Variants in PRKN observed in about 807,000 individuals in gnomAD.
PRKN encodes the protein parkin RBR E3 ubiquitin protein ligase.
In PRKN, 56 loss-of-function variants were observed where a neutral mutation model predicts 59.5. The observed-to-expected ratio is 0.94, with a 90% CI of 0.76 to 1.18. PRKN has a LOEUF of 1.18. Among genes scored for constraint, PRKN ranks in the 50% most tolerant of loss-of-function variants. The pLI is 0.00. For synonymous variants in PRKN, 250 were observed against 222.1 expected (o/e 1.13, Z -1.12); for missense variants, 657 against 596.4 (o/e 1.10, Z -1.06).
rs71692740 is a variant in PRKN at position 162,359,059 on chromosome 6, C to CAAAA, written c.171+84247_171+84250dup. Among the ~76,000 whole-genome samples the CAAAA allele has an allele frequency of 3.3e-4, 31 of 92,584 alleles. No individual in the cohort carries two copies. In the East Asian group the frequency reaches 4.7e-3, roughly 14 times the overall value. 60.7% of individuals were successfully genotyped at this position (92,584 alleles called of 152,430 possible). On this transcript the variant is annotated intron_variant, in intron 2 of 11. Transcript: ENST00000366898. ...TGGGTGACACAGTGACACACTGTGGCAAAAAAAAAAAAAAAAAAAAATATA... is the reference window on the plus strand; with the variant it reads ...TGGGTGACACAGTGACACACTGTGGCAAAAAAAAAAAAAAAAAAAAAAAAATATA...
At chr6:161,718,658 G>T (rs554976678) in intron 7 of PRKN, among the ~76,000 whole-genome samples, 39 of 152,142 alleles carry the variant, frequency 2.6e-4, no homozygotes, top group Middle Eastern at 3.4e-3. Flanking sequence ...GCAGGCACCT[G>T]CCAGTAAGGC....
intron 6 of PRKN, among the ~76,000 whole-genome samples, chr6:161,811,407 G>A (rs1791552794): frequency 6.6e-6 from 1 of 152,152 alleles, no homozygotes; most frequent in Admixed American, 6.5e-5. Context: ...CTGGCATCAG[G>A]ATGGATAAAT....
At chr6:161,826,490 CA>C (rs1387947985) in intron 6 of PRKN, among the ~76,000 whole-genome samples, 1 of 152,100 alleles carries the variant, frequency 6.6e-6, no homozygotes, top group Non-Finnish European at 1.5e-5. Context: ...CATTAATGTA[CA>C]AATGCAAAAG....
chr6:162,656,563 C>T (rs1778647766), intron 1 of PRKN, among the ~76,000 whole-genome samples: 1 of 152,212 alleles, frequency 6.6e-6, no homozygotes, highest in Admixed American at 6.5e-5. Flanking sequence ...TTGAATCTAT[C>T]CCATTAGCAC....
At chr6:162,658,827 GTAC>G (rs2128227873) in intron 1 of PRKN, among the ~76,000 whole-genome samples, 1 of 152,068 alleles carries the variant, frequency 6.6e-6, no homozygotes, top group East Asian at 1.9e-4. Context: ...TGAATTGCAA[GTAC>G]AACTCAAGAC....
intron 5 of PRKN, among the ~76,000 whole-genome samples, chr6:162,048,024 T>C (rs902373504): frequency 6.6e-6 from 1 of 152,162 alleles, no homozygotes; most frequent in African/African-American, 2.4e-5. Flanking sequence ...CTAATTTCAT[T>C]TGAAATAAAT....
intron 7 of PRKN, among the ~76,000 whole-genome samples, chr6:161,692,201 T>G (rs1298438281): frequency 2.6e-5 from 4 of 152,168 alleles, no homozygotes; most frequent in Admixed American, 2.6e-4. Context: ...AGCGCTACTT[T>G]AAGATGGAAA....
intron 4 of PRKN, among the ~76,000 whole-genome samples, chr6:162,065,141 C>T (rs376965336): frequency 2.0e-5 from 3 of 152,086 alleles, no homozygotes; most frequent in African/African-American, 7.2e-5. Context: ...AAGGATAGGC[C>T]GTGTGCAGGC....
intron 4 of PRKN, among the ~76,000 whole-genome samples, chr6:162,110,827 C>A (rs560082209): frequency 2.0e-5 from 3 of 152,294 alleles, no homozygotes; most frequent in Admixed American, 6.5e-5. Flanking sequence ...ATGTAAAGTA[C>A]ACACCCTCTA....
chr6:162,570,870 T>C (rs1269436028), intron 1 of PRKN, among the ~76,000 whole-genome samples: 1 of 152,174 alleles, frequency 6.6e-6, no homozygotes, highest in Non-Finnish European at 1.5e-5. Context: ...TACTATTTGA[T>C]AGCATAACAG....
chr6:162,115,890 C>A (rs2128303986), intron 4 of PRKN, among the ~76,000 whole-genome samples: 1 of 152,220 alleles, frequency 6.6e-6, no homozygotes, highest in African/African-American at 2.4e-5. Context: ...CTGAGTTATC[C>A]ATTTATTTTA....
rs1787671402 is a variant in PRKN at position 161,413,223 on chromosome 6, C to T, written c.1084-26346G>A. ...ATTTATTTGTGGAAACCCACTGTCT[C>T]CCGGACACTGGCCTCCAGGGCACGG... On this transcript the variant is annotated intron_variant, in intron 9 of 11. Transcript: ENST00000366898. This position sits in a 1 kb window ranked among gnomAD's most constrained non-coding sequence, Gnocchi z 4.4. 6.6e-6 allele frequency among the ~76,000 whole-genome samples: 1 copy of T among 152,184 alleles called. No individual in the cohort carries two copies. The highest frequency in any genetic ancestry group is 2.4e-5 in the African/African-American group (1 of 41,440).
At chr6:162,479,787 G>A (rs191221052) in intron 1 of PRKN, among the ~76,000 whole-genome samples, 83 of 149,008 alleles carry the variant, frequency 5.6e-4, no homozygotes, top group African/African-American at 1.9e-3. Context: ...ATTAGTAGGA[G>A]CCAGGCGCAG....
At chr6:162,545,263 G>A (rs901016031) in intron 1 of PRKN, among the ~76,000 whole-genome samples, 5 of 151,948 alleles carry the variant, frequency 3.3e-5, no homozygotes, top group African/African-American at 9.7e-5. Flanking sequence ...ACTCCAGCCT[G>A]GGCAACAGAG....
intron 4 of PRKN, among the ~76,000 whole-genome samples, chr6:162,157,341 C>T (rs1562547785): frequency 6.6e-6 from 1 of 151,494 alleles, no homozygotes; most frequent in Non-Finnish European, 1.5e-5. Context: ...TGCCCTTCTC[C>T]TCTTGCTCTC....
At chr6:161,687,576 CT>C (rs530663301) in intron 7 of PRKN, among the ~76,000 whole-genome samples, 3,040 of 151,196 alleles carry the variant, frequency 0.02, 128 homozygotes, top group African/African-American at 0.069. Context: ...TCTGCCTCAG[CT>C]TCCTGAGTAG....
rs1781728547 is a variant in PRKN at position 161,993,536 on chromosome 6, C to G, written c.619-20119G>C. Among the ~76,000 whole-genome samples, 5 of 152,092 alleles carry G rather than the reference C, an allele frequency of 3.3e-5. No homozygotes were observed. The South Asian group carries it at 1.0e-3, about 32-fold the overall frequency. On this transcript the variant is annotated intron_variant, in intron 5 of 11. Transcript: ENST00000366898. ...CAAATTTATATAGAAAAGCTAAAAG[C>G]AATTCTTAAACTATTTCAAAAAGGT...
At chr6:162,307,148 C>T (rs1240221045) in intron 2 of PRKN, among the ~76,000 whole-genome samples, 1 of 151,970 alleles carries the variant, frequency 6.6e-6, no homozygotes, top group African/African-American at 2.4e-5. Flanking sequence ...GCCTGTAATC[C>T]CCTCAATTTG....
At chr6:161,597,898 G>A (rs1416779332) in intron 7 of PRKN, among the ~76,000 whole-genome samples, 2 of 152,022 alleles carry the variant, frequency 1.3e-5, no homozygotes, top group Admixed American at 1.3e-4. Context: ...CGTACACACA[G>A]TTAGGGTAGT....
Sources: allele counts gnomAD v4.1 joint callset (sites outside exome capture counted in the v4.1 genomes callset), GRCh38; gene constraint gnomAD v4.1.1; non-coding constraint Gnocchi (gnomAD v3.1); transcripts MANE v1.5; gene names NCBI Gene and HGNC (gene_info 2026-07-23, HGNC 2026-07-21).